HIP1: variants seen among roughly 807,000 people sequenced by gnomAD.
The protein encoded by HIP1 is huntingtin-interacting protein 1.
In HIP1, 65 loss-of-function variants were observed where a neutral mutation model predicts 147.6. The observed-to-expected ratio is 0.44, with a 90% confidence interval of 0.36 to 0.54. The LOEUF (loss-of-function observed/expected upper bound fraction) is 0.54. Ranked by LOEUF, HIP1 falls within the 20% of genes least tolerant of loss-of-function variation. The pLI is 0.00. For missense variants in HIP1, 1,061 were observed against 1,299.6 expected, an observed-to-expected ratio of 0.82 and a Z score of 2.82; for synonymous variants, 479 against 504.0, an observed-to-expected ratio of 0.95 and a Z score of 0.67.
At chr7:75,552,009 C>G (rs1794803600) in intron 22 of HIP1, among the ~76,000 whole-genome samples, 1 of 152,170 alleles carries the variant, frequency 6.6e-6, no homozygotes, top group South Asian at 2.1e-4. Context: ...CCTGCCTCAG[C>G]CTCCTAAGTA....
intron 1 of HIP1, among the ~76,000 whole-genome samples, chr7:75,700,951 C>T (rs1006055803): frequency 2.0e-5 from 3 of 151,932 alleles, no homozygotes; most frequent in African/African-American, 7.3e-5. Flanking sequence ...GTGATCCGCC[C>T]GTCTCGGCCT....
intron 4 of HIP1, among the ~76,000 whole-genome samples, chr7:75,590,962 CTG>C (rs781856125): frequency 1.3e-5 from 2 of 151,788 alleles, no homozygotes; most frequent in African/African-American, 2.4e-5. Context: ...ACAGGTAAGA[CTG>C]TGCAAAAAGG....
chr7:75,553,483 G>T lies in HIP1; in HGVS notation c.2265C>A (p.Asn755Lys). The T allele has an allele frequency of 6.2e-7, 1 of 1,614,180 alleles. No individual in the cohort carries two copies. The highest frequency in any genetic ancestry group is 8.5e-7 in the Non-Finnish European group (1 of 1,180,028). Residue 755 changes from asparagine to lysine, a missense_variant, in exon 22 of 31, where the codon AAC becomes AAA. By Grantham distance (94) the Asn-to-Lys change is moderately conservative (BLOSUM62 0). This residue lies in a region of HIP1 where 810 missense variants were observed against 946.8 expected (regional missense o/e 0.86). Transcript: ENST00000336926. ...CGATGGCCTTGATCTTGCTCAGGCAGTTCCTCATGGCTGTGCTGTCGGCAT... is the reference window on the plus strand; with the variant it reads ...CGATGGCCTTGATCTTGCTCAGGCATTTCCTCATGGCTGTGCTGTCGGCAT... ...LENADSTAMRNCLSKIKAIGE... is the reference protein window; with the variant it reads ...LENADSTAMRKCLSKIKAIGE...
At chr7:75,681,268 C>T (rs574742579) in intron 1 of HIP1, among the ~76,000 whole-genome samples, 1 of 152,158 alleles carries the variant, frequency 6.6e-6, no homozygotes, top group Admixed American at 6.6e-5. Flanking sequence ...GCCCCTAATC[C>T]CCTTCTTGTC....
chr7:75,720,311 C>A (rs1245548683), intron 1 of HIP1, among the ~76,000 whole-genome samples: 2 of 152,074 alleles, frequency 1.3e-5, no homozygotes, highest in Non-Finnish European at 2.9e-5. Flanking sequence ...CAGGTGCCTG[C>A]CATCATGCCT....
intron 5 of HIP1, among the ~76,000 whole-genome samples, chr7:75,584,850 C>CTT (rs5884971): frequency 8.4e-5 from 12 of 142,698 alleles, no homozygotes; most frequent in Middle Eastern, 3.6e-3. Context: ...CCATTTAACA[C>CTT]TTTTTTTTTT....
intron 1 of HIP1, among the ~76,000 whole-genome samples, chr7:75,635,817 G>A (rs932069770): frequency 3.3e-5 from 5 of 151,596 alleles, no homozygotes; most frequent in Admixed American, 2.6e-4. Flanking sequence ...GAGCCCAGGA[G>A]TTCGACACCA....
At chr7:75,650,900 G>A (rs1402934521) in intron 1 of HIP1, among the ~76,000 whole-genome samples, 2 of 152,110 alleles carry the variant, frequency 1.3e-5, no homozygotes, top group South Asian at 2.1e-4. Flanking sequence ...AGCTTGGCCC[G>A]GCTGTGAGCC....
intron 19 of HIP1, 129 bp downstream of exon 19, chr7:75,555,287 C>T: frequency 1.0e-6 from 1 of 979,568 alleles, no homozygotes. Flanking sequence ...GGCCTGGGCG[C>T]CCCTAAGGTA....
intron 1 of HIP1, among the ~76,000 whole-genome samples, chr7:75,717,696 C>T (rs1386890293): frequency 3.7e-5 from 3 of 81,116 alleles, no homozygotes; most frequent in South Asian, 3.8e-4. Flanking sequence ...AAAGACCAGG[C>T]GCGGTGGCTC....
chr7:75,690,298 G>T (rs985495692), intron 1 of HIP1, among the ~76,000 whole-genome samples: 1 of 151,202 alleles, frequency 6.6e-6, no homozygotes, highest in Admixed American at 6.6e-5. Flanking sequence ...ACACACAAAA[G>T]GTAAAGGACT....
At chr7:75,548,174 A>C (rs1194837866) in intron 23 of HIP1, among the ~76,000 whole-genome samples, 1 of 152,084 alleles carries the variant, frequency 6.6e-6, no homozygotes, top group Non-Finnish European at 1.5e-5. Flanking sequence ...GATTACAGGC[A>C]CGCGCCACCA....
rs1796144551 is a variant in HIP1, at chr7:75,583,756, T to TGTG, written c.466-1606_466-1605insCAC. 2.0e-3 allele frequency among the ~76,000 whole-genome samples: 229 copies of TGTG among 115,518 alleles called. 1 individual carries two copies. Among genetic ancestry groups the TGTG allele is most frequent in the African/African-American group, 6.7e-3 (196 of 29,214 alleles). The allele number at this position is 115,518 out of a possible 152,430, so 75.8% of individuals were successfully genotyped here. The stretch of plus-strand genomic sequence containing the variant: ...GGCATACACCACCATGCGGGCTAAT[T>TGTG]TGTGTGTGTGTGTGTGTGTGTGTGT... On this transcript the variant is annotated intron_variant, in intron 5 of 30. Transcript: ENST00000336926.
Position 75,544,076 on chromosome 7 carries a change from T to G in HIP1, c.2766+619A>C, listed in dbSNP as rs587682850. On this transcript the variant is annotated intron_variant, in intron 27 of 30. Coordinates refer to ENST00000336926, the MANE Select transcript of HIP1 (RefSeq NM_005338.7). ...AGTCCCAGCTACTCGGGAGGCTGAG[T>G]CAGGAGAATCACTTGAACCCGGGAG... Among the ~76,000 whole-genome samples the G allele has an allele frequency of 8.4e-4, 125 of 148,174 alleles. 2 individuals are homozygous for G. The highest frequency in any genetic ancestry group is 3.0e-3 in the African/African-American group (118 of 39,970).
chr7:75,568,452 C>T lies in HIP1; in HGVS notation c.746-196G>A, dbSNP rs6958170. On this transcript the variant is annotated intron_variant, in intron 8 of 30. Transcript: ENST00000336926. This position sits in a 1 kb window ranked among gnomAD's most constrained non-coding sequence, Gnocchi z 4.1. ...GCAGGAACCAGCAGGAGTGTGGAGA[C>T]GCTTATCCTCCAAATCCTTTCACTT... 2.0e-5 allele frequency among the ~76,000 whole-genome samples: 3 copies of T among 152,132 alleles called. No homozygotes were observed. Among genetic ancestry groups the T allele is most frequent in the South Asian group, 2.1e-4 (1 of 4,828 alleles).
Position 75,547,618 on chromosome 7 carries a change from G to T in HIP1, c.2465+137C>A, listed in dbSNP as rs1794619296. 3 of 750,194 alleles carry T rather than the reference G, an allele frequency of 4.0e-6. No homozygotes were observed. In the Admixed American group the frequency reaches 5.7e-5, roughly 14 times the overall value. The allele number at this position is 750,194 out of a possible 1,614,324, so 46.5% of individuals were successfully genotyped here. A position where few individuals can be genotyped will look rare whatever the true frequency, so the allele number is the denominator to read the frequency against. ...TGCTGTCATCATTAATACTGTTATT[G>T]ATGATTACATCAACTCAGCCCTTCC... On this transcript the variant is annotated intron_variant, in intron 24 of 30. Coordinates refer to ENST00000336926, the MANE Select transcript of HIP1 (RefSeq NM_005338.7).
At chr7:75,581,369 C>T (rs375387249) in intron 6 of HIP1, 71 bp from the exon 7 acceptor site, 31 of 1,069,364 alleles carry the variant, frequency 2.9e-5, no homozygotes, top group East Asian at 2.5e-4. Flanking sequence ...CCCTCCCCCA[C>T]GCTCTACGCT....
At chr7:75,627,484 A>C (rs781792024) in intron 1 of HIP1, among the ~76,000 whole-genome samples, 4 of 152,060 alleles carry the variant, frequency 2.6e-5, no homozygotes, top group Non-Finnish European at 5.9e-5. Context: ...GGGCCCTTTG[A>C]GATTTGACTT....
At chr7:75,630,706 C>G (rs1194348042) in intron 1 of HIP1, among the ~76,000 whole-genome samples, 1 of 152,070 alleles carries the variant, frequency 6.6e-6, no homozygotes, top group Non-Finnish European at 1.5e-5. Flanking sequence ...CTGGTTAACC[C>G]CACCTTCTCC....
Sources: gnomAD v4.1 joint callset for allele counts (sites outside exome capture counted in the v4.1 genomes callset) on GRCh38, gnomAD v4.1.1 for gene constraint, gnomAD v4.1.1 regional missense constraint, Gnocchi (gnomAD v3.1) non-coding constraint, MANE v1.5 for transcripts, NCBI Gene and HGNC (gene_info 2026-07-23, HGNC 2026-07-21) for gene names.